The following FOXP1 variants were observed in gnomAD, a reference collection of about 807,000 sequenced individuals.
The protein encoded by FOXP1 is forkhead box P1, also known as forkhead box protein P1.
In FOXP1, 15 loss-of-function variants were observed where a neutral mutation model predicts 98.2. The observed-to-expected ratio is 0.15, with a 90% CI of 0.10 to 0.24. FOXP1 has a LOEUF of 0.24. Among genes scored for constraint, FOXP1 ranks in the 10% least tolerant of loss-of-function variants. FOXP1 has a pLI of 1.00. For synonymous variants in FOXP1, 371 were observed against 314.5 expected (o/e 1.18, Z -1.90); for missense variants, 633 against 848.5 (o/e 0.75, Z 3.15).
chr3:70,992,125 A>T (rs545611083), intron 13 of FOXP1, among the ~76,000 whole-genome samples: 2 of 152,304 alleles, frequency 1.3e-5, no homozygotes, highest in South Asian at 4.2e-4. Context: ...TCTCACCTAA[A>T]CATGCTGGAG....
At position 71,041,373 on chromosome 3, in the gene FOXP1, G is replaced by T; in HGVS notation, c.824C>A (p.Ala275Asp). The change falls in exon 11 of 21, where the codon GCC becomes GAC. Residue 275 changes from alanine (A) to aspartate (D), a missense_variant. Around this residue, in one of 6 missense-constraint regions of FOXP1, gnomAD observed 210 missense variants for 270.6 expected, o/e 0.78. Transcript: ENST00000649528. ...SKTSLIMNPH[A>D]STNGQLSVHT... is the part of the protein sequence containing the mutation. ...GACTGAGAGCTGTCCATTGGTAGAG[G>T]CATGTGGGTTCATTATTAAGGAGGT... 6.2e-7 allele frequency: 1 copy of T among 1,613,738 alleles called. No individual in the cohort carries two copies. The highest frequency in any genetic ancestry group is 8.5e-7 in the Non-Finnish European group (1 of 1,179,788).
At chr3:71,015,166 A>G (rs2044266636) in intron 12 of FOXP1, among the ~76,000 whole-genome samples, 1 of 150,892 alleles carries the variant, frequency 6.6e-6, no homozygotes, top group Admixed American at 6.6e-5. Context: ...TGACACCTCC[A>G]ACAACAACAA....
At chr3:71,088,480 G>A (rs2055411358) in intron 7 of FOXP1, among the ~76,000 whole-genome samples, 1 of 151,378 alleles carries the variant, frequency 6.6e-6, no homozygotes, top group African/African-American at 2.4e-5. Context: ...CTCACTCTAG[G>A]TGCCTCACTC....
chr3:71,396,993 T>TATATAC (rs1269553423), intron 3 of FOXP1, among the ~76,000 whole-genome samples: 3 of 52,488 alleles, frequency 5.7e-5, no homozygotes, highest in Non-Finnish European at 7.4e-5. Context: ...TGTATATATA[T>TATATAC]ACACATATAT....
At chr3:71,449,656 A>G (rs1288747525) in intron 3 of FOXP1, among the ~76,000 whole-genome samples, 3 of 152,194 alleles carry the variant, frequency 2.0e-5, no homozygotes, top group Non-Finnish European at 4.4e-5. Flanking sequence ...CAAGCAGCAG[A>G]AAATCCTATT....
At chr3:71,544,054 T>TAC in intron 2 of FOXP1, among the ~76,000 whole-genome samples, 1 of 151,988 alleles carries the variant, frequency 6.6e-6, no homozygotes, top group East Asian at 1.9e-4. Context: ...TATGTGTGTA[T>TAC]ACACATACAT....
chr3:71,040,194 A>G (rs535542343), intron 11 of FOXP1: 1 of 151,982 alleles, frequency 6.6e-6, no homozygotes, highest in South Asian at 2.1e-4. Context: ...CATCTAATTA[A>G]ACAGTAGGCT....
intron 5 of FOXP1, among the ~76,000 whole-genome samples, chr3:71,230,142 G>C (rs2066168923): frequency 6.6e-6 from 1 of 152,088 alleles, no homozygotes; most frequent in South Asian, 2.1e-4. Context: ...GGATAAAGGA[G>C]AAAAAGACAA....
chr3:71,068,684 A>G (rs1480983015), intron 7 of FOXP1, among the ~76,000 whole-genome samples: 1 of 152,226 alleles, frequency 6.6e-6, no homozygotes. Flanking sequence ...AATTAATTTA[A>G]TGGAGTATCC....
At chr3:71,480,691 CA>C (rs2090202195) in intron 3 of FOXP1, among the ~76,000 whole-genome samples, 1 of 152,128 alleles carries the variant, frequency 6.6e-6, no homozygotes. Context: ...GGAGTGGGCT[CA>C]AGAAGATCTG....
intron 11 of FOXP1, among the ~76,000 whole-genome samples, chr3:71,026,429 C>A (rs907072393): frequency 6.6e-6 from 1 of 152,164 alleles, no homozygotes; most frequent in African/African-American, 2.4e-5. Flanking sequence ...AGTAGCAAGT[C>A]TCTGAAGACG....
chr3:71,375,804 A>AT (rs2079669875), intron 3 of FOXP1, among the ~76,000 whole-genome samples: 1 of 152,234 alleles, frequency 6.6e-6, no homozygotes, highest in Admixed American at 6.5e-5. Context: ...AAATCAGACG[A>AT]TTCCTTAGAA....
intron 3 of FOXP1, among the ~76,000 whole-genome samples, chr3:71,444,247 C>A (rs2086207802): frequency 6.6e-6 from 1 of 152,160 alleles, no homozygotes; most frequent in South Asian, 2.1e-4. Context: ...GGAGCCAGGC[C>A]CACTGGCTGC....
intron 7 of FOXP1, among the ~76,000 whole-genome samples, chr3:71,108,250 T>A (rs1273298237): frequency 6.6e-6 from 1 of 152,260 alleles, no homozygotes. Flanking sequence ...TTCCAGTTTA[T>A]GTACTCGTGC....
At chr3:70,968,035 T>G (rs1046870578) in intron 19 of FOXP1, among the ~76,000 whole-genome samples, 5 of 152,290 alleles carry the variant, frequency 3.3e-5, no homozygotes, top group African/African-American at 1.2e-4. Flanking sequence ...GATGAGTATT[T>G]ATTCTCTTTG....
chr3:71,041,530 T>C lies in FOXP1; in HGVS notation c.667A>G (p.Met223Val). ...AGCTGCTGCAGTTCTGTTGGAATCA[T>C]GCCTGAAACAAACAAATTGGATAAT... ...ALPLQPLAQG[M>V]IPTELQQLWK... The change falls in exon 11 of 21, where the codon ATG becomes GTG. Residue 223 changes from methionine (M) to valine (V), a missense_variant and splice_region_variant. Met to Val is a conservative substitution (Grantham distance 21). Around this residue, in one of 6 missense-constraint regions of FOXP1, gnomAD observed 210 missense variants for 270.6 expected, o/e 0.78. Transcript: ENST00000649528. 2 of 1,613,674 alleles carry C rather than the reference T, an allele frequency of 1.2e-6. No homozygotes were observed. The highest frequency in any genetic ancestry group is 1.7e-6 in the Non-Finnish European group (2 of 1,179,704).
At chr3:70,981,980 T>C (rs371380900) in intron 14 of FOXP1, among the ~76,000 whole-genome samples, 18 of 152,344 alleles carry the variant, frequency 1.2e-4, no homozygotes, top group East Asian at 7.7e-4. Context: ...ATGTCAACCT[T>C]GTCAACTGGT....
rs79651000 is a variant in FOXP1, at chr3:70,977,935, A to C, written c.1241T>G (p.Leu414Arg). 6.2e-7 allele frequency: 1 copy of C among 1,614,062 alleles called. No homozygotes were observed. The highest frequency in any genetic ancestry group is 8.5e-7 in the Non-Finnish European group (1 of 1,179,998). The change falls in exon 15 of 21, where the codon CTG (leucine) becomes CGG (arginine). Residue 414 changes from leucine to arginine, a missense_variant. This residue lies in a region of FOXP1 where 141 missense variants were observed against 199.5 expected (regional missense o/e 0.71). Transcript: ENST00000649528. ...AGAGGGGCCTTGGGTGACGGGAGTCAGGGGGGCGGTTGGGGTCGTTGGAGT... is the reference window on the plus strand; with the variant it reads ...AGAGGGGCCTTGGGTGACGGGAGTCCGGGGGGCGGTTGGGGTCGTTGGAGT... ...PHTPTTPTAPLTPVTQGPSVI... is the reference protein window; with the variant it reads ...PHTPTTPTAPRTPVTQGPSVI...
chr3:71,583,119 C>A (rs1056209554), intron 1 of FOXP1, among the ~76,000 whole-genome samples: 1 of 151,938 alleles, frequency 6.6e-6, no homozygotes, highest in Admixed American at 6.5e-5. Context: ...CGCCGGACAT[C>A]GAAAGTTGCG....
Sources: allele counts gnomAD v4.1 joint callset (sites outside exome capture counted in the v4.1 genomes callset), GRCh38; gene constraint gnomAD v4.1.1; regional missense constraint gnomAD v4.1.1; transcripts MANE v1.5; gene names NCBI Gene and HGNC (gene_info 2026-07-23, HGNC 2026-07-21).